USP13: variants seen among roughly 807,000 people sequenced by gnomAD.
The protein encoded by USP13 is ubiquitin carboxyl-terminal hydrolase 13.
USP13 carries 68 observed loss-of-function variants against 107.8 expected under a neutral mutation model. The observed-to-expected ratio is 0.63, with a 90% CI of 0.52 to 0.77. USP13 has a LOEUF of 0.77. Among genes scored for constraint, USP13 ranks in the 30% least tolerant of loss-of-function variants. USP13 has a pLI of 0.00. For missense variants in USP13, 945 were observed against 1,093.3 expected (o/e 0.86, Z 1.91); for synonymous variants, 377 against 389.5 (o/e 0.97, Z 0.38).
At chr3:179,728,989 A>AGAGGGG (rs1366595186) in intron 8 of USP13, among the ~76,000 whole-genome samples, 1 of 151,426 alleles carries the variant, frequency 6.6e-6, no homozygotes, top group Non-Finnish European at 1.5e-5. Context: ...AGGAAGAGGG[A>AGAGGGG]GAGGGAGAGG....
At chr3:179,730,324 A>G (rs370677671) in intron 9 of USP13, 64 bp downstream of exon 9, 2 of 1,530,280 alleles carry the variant, frequency 1.3e-6, no homozygotes. Flanking sequence ...TTCATAGTGG[A>G]TATCTCTGGG....
intron 13 of USP13, among the ~76,000 whole-genome samples, 175 bp from the exon 14 acceptor site, chr3:179,752,110 G>A (rs532125237): frequency 6.6e-6 from 1 of 152,328 alleles, no homozygotes; most frequent in Admixed American, 6.5e-5. Flanking sequence ...CAGGACAAAT[G>A]AGCAGGGGAG....
chr3:179,748,353 A>G (rs570913887), intron 13 of USP13, among the ~76,000 whole-genome samples: 36 of 152,324 alleles, frequency 2.4e-4, no homozygotes, highest in African/African-American at 8.7e-4. Flanking sequence ...ATTAGTTTTG[A>G]GAAAACCAGT....
At chr3:179,718,038 T>G (rs1171688416) in intron 6 of USP13, among the ~76,000 whole-genome samples, 1 of 152,048 alleles carries the variant, frequency 6.6e-6, no homozygotes, top group Non-Finnish European at 1.5e-5. Context: ...ATGCATTACT[T>G]TTTTTCCTCC....
chr3:179,714,179 G>T (rs1713022150), intron 6 of USP13, among the ~76,000 whole-genome samples: 1 of 152,238 alleles, frequency 6.6e-6, no homozygotes, highest in Non-Finnish European at 1.5e-5. Flanking sequence ...TACCCGAGAA[G>T]ATGCTTTAGT....
intron 13 of USP13, among the ~76,000 whole-genome samples, chr3:179,751,573 T>C (rs1488451662): frequency 6.6e-6 from 1 of 152,180 alleles, no homozygotes; most frequent in Non-Finnish European, 1.5e-5. Flanking sequence ...CCCACATACA[T>C]GTATACCAAG....
chr3:179,676,375 T>C (rs1032485861), intron 1 of USP13, among the ~76,000 whole-genome samples: 1 of 152,182 alleles, frequency 6.6e-6, no homozygotes, highest in Non-Finnish European at 1.5e-5. Flanking sequence ...TTTGTCCACA[T>C]GGAGGCATGC....
At chr3:179,665,725 A>G (rs373600756) in intron 1 of USP13, among the ~76,000 whole-genome samples, 3 of 152,064 alleles carry the variant, frequency 2.0e-5, no homozygotes, top group African/African-American at 7.2e-5. Flanking sequence ...AGCTGGGACC[A>G]CAGGCATGCA....
chr3:179,735,407 G>A (rs1284754642), intron 10 of USP13, among the ~76,000 whole-genome samples: 1 of 150,622 alleles, frequency 6.6e-6, no homozygotes, highest in Non-Finnish European at 1.5e-5. Flanking sequence ...GCCTTGTCCA[G>A]AGCCTGACCT....
At position 179,721,152 on chromosome 3, in the gene USP13, CAA is replaced by C. The variant is rs1209345314; in HGVS notation, c.901-249_901-248del. 2.0e-5 allele frequency among the ~76,000 whole-genome samples: 3 copies of C among 152,068 alleles called. No individual in the cohort carries two copies. Among genetic ancestry groups the C allele is most frequent in the South Asian group, 4.1e-4 (2 of 4,826 alleles). On this transcript the variant is annotated intron_variant, in intron 7 of 20. Coordinates refer to ENST00000263966, the MANE Select transcript of USP13 (RefSeq NM_003940.3). This position sits in a 1 kb window ranked among gnomAD's most constrained non-coding sequence, Gnocchi z 4.3. ...CATGTGTGTTTTAAAAATTGTGGTA[CAA>C]TATATATAATATAAAAGCTACCATT...
chr3:179,765,513 A>AATGCC (rs778573601), intron 18 of USP13, among the ~76,000 whole-genome samples, 182 bp from the exon 19 acceptor site: 9 of 152,310 alleles, frequency 5.9e-5, no homozygotes, highest in East Asian at 5.8e-4. Flanking sequence ...AGACTTGCAG[A>AATGCC]ATGCCATGCC....
chr3:179,740,246 G>C lies in USP13; in HGVS notation c.1255-1G>C, dbSNP rs1714139776. The stretch of plus-strand genomic sequence containing the variant: ...AAGTCCATTTCATTTTTATACATTA[G>C]CCACAGCAGAACGGGATCTCTCCGC... On this transcript the variant is annotated splice_acceptor_variant, in intron 10 of 20. Coordinates refer to ENST00000263966, the MANE Select transcript of USP13 (RefSeq NM_003940.3). LOFTEE classifies it high-confidence loss of function. The C allele has an allele frequency of 6.2e-7, 1 of 1,613,762 alleles. No individual in the cohort carries two copies. Among genetic ancestry groups the C allele is most frequent in the African/African-American group, 1.3e-5 (1 of 74,866 alleles).
At chr3:179,680,210 G>GAA (rs1711600752) in intron 1 of USP13, among the ~76,000 whole-genome samples, 6 of 134,304 alleles carry the variant, frequency 4.5e-5, no homozygotes, top group African/African-American at 1.6e-4. Flanking sequence ...CAAAAAGAAA[G>GAA]AGAGAGAGAG....
chr3:179,739,971 A>C (rs915149763), intron 10 of USP13, among the ~76,000 whole-genome samples: 1 of 152,172 alleles, frequency 6.6e-6, no homozygotes, highest in African/African-American at 2.4e-5. Flanking sequence ...GCCTGACTTT[A>C]GAAAGTGAGT....
chr3:179,676,638 G>C (rs781534423), intron 1 of USP13, among the ~76,000 whole-genome samples: 1 of 152,156 alleles, frequency 6.6e-6, no homozygotes, highest in South Asian at 2.1e-4. Flanking sequence ...GTGTATGATA[G>C]GACCAATATT....
intron 12 of USP13, among the ~76,000 whole-genome samples, chr3:179,744,759 G>C (rs1490806242): frequency 6.6e-6 from 1 of 152,116 alleles, no homozygotes; most frequent in Non-Finnish European, 1.5e-5. Context: ...ACATGGTCTG[G>C]CCCTCTCACC....
chr3:179,754,180 AG>A (rs1225885127), intron 14 of USP13, among the ~76,000 whole-genome samples: 1 of 152,186 alleles, frequency 6.6e-6, no homozygotes, highest in Non-Finnish European at 1.5e-5. Context: ...TTGAATAAAA[AG>A]ATGAACTAGA....
At chr3:179,751,089 C>T (rs981089691) in intron 13 of USP13, among the ~76,000 whole-genome samples, 1 of 152,104 alleles carries the variant, frequency 6.6e-6, no homozygotes. Flanking sequence ...ATAAACAGCT[C>T]ATTTTCTTTT....
At chr3:179,707,950 C>T (rs1712781574) in intron 5 of USP13, among the ~76,000 whole-genome samples, 1 of 152,202 alleles carries the variant, frequency 6.6e-6, no homozygotes, top group South Asian at 2.1e-4. Context: ...TTAAATGAGA[C>T]TTCTGTAAGG....
Sources: gnomAD v4.1 joint callset for allele counts (sites outside exome capture counted in the v4.1 genomes callset) on GRCh38, gnomAD v4.1.1 for gene constraint, Gnocchi (gnomAD v3.1) non-coding constraint, MANE v1.5 for transcripts, NCBI Gene and HGNC (gene_info 2026-07-23, HGNC 2026-07-21) for gene names.